The following LRIG2 variants were observed in gnomAD, a reference collection of about 807,000 sequenced individuals.
LRIG2 encodes the protein leucine-rich repeats and immunoglobulin-like domains protein 2.
LRIG2 carries 93 observed loss-of-function variants against 107.8 expected under a neutral mutation model. The ratio of observed to expected loss-of-function variants is 0.86; its 90% CI spans 0.73 to 1.03. The LOEUF (loss-of-function observed/expected upper bound fraction) is 1.03. LRIG2 is among the 50% of genes least tolerant of loss of function. LRIG2 has a pLI of 0.00. For synonymous variants in LRIG2, 471 were observed against 470.6 expected (o/e 1.00, Z -0.01); for missense variants, 1,226 against 1,296.0 (o/e 0.95, Z 0.83).
intron 7 of LRIG2, 88 bp from the exon 8 acceptor site, chr1:113,096,134 G>A: frequency 4.4e-6 from 7 of 1,577,058 alleles, no homozygotes; most frequent in Non-Finnish European, 5.2e-6. Context: ...TTTGTAGAAA[G>A]CTCTAAATTT....
rs1212225189 is a variant in LRIG2 at position 113,126,147 on chromosome 1, A to C, written c.*2046A>C. 1 of 152,182 alleles carries C rather than the reference A, an allele frequency of 6.6e-6. No individual in the cohort carries two copies. Among genetic ancestry groups the C allele is most frequent in the Non-Finnish European group, 1.5e-5 (1 of 68,040 alleles). 9.4% of individuals were successfully genotyped at this position (152,182 alleles called of 1,614,324 possible). On this transcript the variant is annotated 3_prime_UTR_variant, in exon 18 of 18. Transcript: ENST00000361127. ...CATTCCATGTTCCAAAAGCTACAAAAACATGCCACTTTGCAACTATGGGTC... is the reference window on the plus strand; with the variant it reads ...CATTCCATGTTCCAAAAGCTACAAACACATGCCACTTTGCAACTATGGGTC...
chr1:113,122,034 C>T (rs1375458322), intron 17 of LRIG2, among the ~76,000 whole-genome samples: 1 of 151,264 alleles, frequency 6.6e-6, no homozygotes, highest in Non-Finnish European at 1.5e-5. Context: ...ATCATTTACT[C>T]CTGCCAGAAC....
chr1:113,091,471 GC>G, intron 2 of LRIG2, 88 bp downstream of exon 2: 1 of 783,184 alleles, frequency 1.3e-6, no homozygotes, highest in Non-Finnish European at 2.0e-6. Context: ...ATCCAGAGAT[GC>G]CATAAAAAAA....
rs1290896719 is a variant in LRIG2, at chr1:113,073,248, T to C, written c.-159T>C. 1 of 662,130 alleles carries C rather than the reference T, an allele frequency of 1.5e-6. No individual in the cohort carries two copies. The highest frequency in any genetic ancestry group is 1.8e-5 in the African/African-American group (1 of 55,686). The allele number at this position is 662,130 out of a possible 1,614,324, so 41.0% of individuals were successfully genotyped here. A position where few individuals can be genotyped will look rare whatever the true frequency, so the allele number is the denominator to read the frequency against. On this transcript the variant is annotated 5_prime_UTR_variant, in exon 1 of 18. Transcript: ENST00000361127. The stretch of plus-strand genomic sequence containing the variant: ...GTGTCCCAGGCCGTCGACCCCGCTG[T>C]CGCGCTGCGTCTGCTCCTTGCATGC...
intron 1 of LRIG2, among the ~76,000 whole-genome samples, chr1:113,089,820 G>T (rs543100002): frequency 6.0e-5 from 9 of 151,206 alleles, no homozygotes; most frequent in African/African-American, 1.9e-4. Context: ...AGCCTCCCGA[G>T]TAGCTGGGAT....
chr1:113,098,581 A>G, intron 8 of LRIG2, 124 bp from the exon 9 acceptor site: 6 of 640,648 alleles, frequency 9.4e-6, no homozygotes, highest in South Asian at 2.0e-5. Context: ...TTCATCATAA[A>G]TAACTGTTAA....
intron 1 of LRIG2, among the ~76,000 whole-genome samples, chr1:113,086,304 C>T (rs1034332050): frequency 6.6e-6 from 1 of 151,980 alleles, no homozygotes; most frequent in East Asian, 1.9e-4. Flanking sequence ...TGTGCCCGGC[C>T]GAGTATTATT....
At chr1:113,123,727 T>TTTTGTGTGTG (rs1437564600) in intron 17 of LRIG2, 148 bp from the exon 18 acceptor site, 58 of 597,178 alleles carry the variant, frequency 9.7e-5, no homozygotes, top group African/African-American at 9.2e-4. Context: ...GTGGTGGTTT[T>TTTTGTGTGTG]TGTGTGTGTG....
intron 12 of LRIG2, among the ~76,000 whole-genome samples, chr1:113,108,896 C>G (rs1361215849): frequency 6.6e-6 from 1 of 151,116 alleles, no homozygotes; most frequent in Non-Finnish European, 1.5e-5. Context: ...TTTTTTTTTT[C>G]TTTAAAGTGG....
intron 11 of LRIG2, among the ~76,000 whole-genome samples, chr1:113,105,873 G>GTTTAAT (rs1654516713): frequency 1.3e-5 from 2 of 152,176 alleles, no homozygotes; most frequent in Admixed American, 1.3e-4. Flanking sequence ...TGCCCCTCTT[G>GTTTAAT]TTTAATAACA....
intron 16 of LRIG2, among the ~76,000 whole-genome samples, chr1:113,116,663 C>T (rs1655030307): frequency 6.6e-6 from 1 of 152,228 alleles, no homozygotes. Flanking sequence ...GAGTACACAG[C>T]AGAGGCTCCC....
intron 1 of LRIG2, among the ~76,000 whole-genome samples, chr1:113,086,328 T>A (rs1653553028): frequency 6.6e-6 from 1 of 152,086 alleles, no homozygotes; most frequent in Non-Finnish European, 1.5e-5. Flanking sequence ...AAAACTAAAT[T>A]ATGCTAGGTA....
chr1:113,073,538 C>G lies in LRIG2; in HGVS notation c.132C>G (p.Pro44=), dbSNP rs759507483. The G allele has an allele frequency of 1.2e-6, 2 of 1,614,002 alleles. No homozygotes were observed. Among genetic ancestry groups the G allele is most frequent in the South Asian group, 1.1e-5 (1 of 91,086 alleles). Residue 44 remains proline (P), a synonymous_variant, in exon 1 of 18, where the codon CCC becomes CCG. Coordinates refer to ENST00000361127, the MANE Select transcript of LRIG2 (RefSeq NM_014813.3). ...LLPAAGAGLC[P]APCSCRIPLL... is the part of the protein sequence containing the mutation. ...CCGCCGCCGGAGCAGGTCTCTGCCC[C>G]GCGCCCTGCTCCTGCCGCATTCCTC...
chr1:113,101,281 T>C (rs146075462), intron 11 of LRIG2, among the ~76,000 whole-genome samples: 9 of 152,322 alleles, frequency 5.9e-5, no homozygotes, highest in Middle Eastern at 3.4e-3. Context: ...GTTGGCCAGC[T>C]GGTCTCGAAC....
intron 14 of LRIG2, among the ~76,000 whole-genome samples, chr1:113,113,374 T>C (rs1294532179): frequency 6.6e-6 from 1 of 151,638 alleles, no homozygotes; most frequent in Admixed American, 6.6e-5. Flanking sequence ...TTGTTTTTTC[T>C]TCCTTATTAC....
intron 9 of LRIG2, among the ~76,000 whole-genome samples, chr1:113,099,102 A>T (rs1654192611): frequency 6.6e-6 from 1 of 151,774 alleles, no homozygotes; most frequent in African/African-American, 2.4e-5. Flanking sequence ...ATGCCCAGCT[A>T]ATTTTTGTAT....
At chr1:113,108,176 T>G (rs973878425) in intron 12 of LRIG2, among the ~76,000 whole-genome samples, 4 of 152,002 alleles carry the variant, frequency 2.6e-5, no homozygotes, top group Admixed American at 2.0e-4. Context: ...GGGAGAGAGA[T>G]AGTCATAGAC....
intron 1 of LRIG2, among the ~76,000 whole-genome samples, chr1:113,089,517 A>T (rs1048320903): frequency 5.9e-5 from 9 of 152,052 alleles, no homozygotes; most frequent in African/African-American, 2.2e-4. Flanking sequence ...TTTTAAAAGT[A>T]TTTGCCTCAT....
At chr1:113,079,776 C>T (rs1250181361) in intron 1 of LRIG2, among the ~76,000 whole-genome samples, 1 of 136,314 alleles carries the variant, frequency 7.3e-6, no homozygotes, top group Non-Finnish European at 1.5e-5. Flanking sequence ...GAGTCTTGCT[C>T]TGTTGCCCAG....
Sources: gnomAD v4.1 joint callset for allele counts (sites outside exome capture counted in the v4.1 genomes callset) on GRCh38, gnomAD v4.1.1 for gene constraint, MANE v1.5 for transcripts, NCBI Gene and HGNC (gene_info 2026-07-23, HGNC 2026-07-21) for gene names.